Variants in FAM24B observed in about 807,000 individuals in gnomAD.
The protein encoded by FAM24B is protein FAM24B.
In FAM24B, 3 loss-of-function variants were observed where a neutral mutation model predicts 2.3. That is an observed-to-expected ratio of 1.29 (90% CI 0.59 to 3.32). The LOEUF is 3.32. Ranked by LOEUF, FAM24B falls within the 30% of genes most tolerant of loss-of-function variation. The pLI, the probability that FAM24B is intolerant of heterozygous loss-of-function variation, is 0.03. For missense variants in FAM24B, 98 were observed against 117.2 expected (o/e 0.84, Z 0.76); for synonymous variants, 36 against 46.3 (o/e 0.78, Z 0.90).
intron 1 of FAM24B, among the ~76,000 whole-genome samples, chr10:122,876,720 C>A (rs1401248693): frequency 6.6e-6 from 1 of 152,144 alleles, no homozygotes; most frequent in Non-Finnish European, 1.5e-5. Flanking sequence ...TGCTTTGTGA[C>A]CTCCATTATC....
intron 1 of FAM24B, among the ~76,000 whole-genome samples, chr10:122,858,428 A>G (rs1397186373): frequency 1.3e-5 from 2 of 151,482 alleles, no homozygotes; most frequent in African/African-American, 4.9e-5. Context: ...GGGGAGGGAT[A>G]GCATTAGGAG....
At chr10:122,875,274 T>C (rs1334711551) in intron 1 of FAM24B, among the ~76,000 whole-genome samples, 1 of 152,234 alleles carries the variant, frequency 6.6e-6, no homozygotes, top group African/African-American at 2.4e-5. Context: ...TTTCCTTTTA[T>C]ATCTTCCTTA....
intron 2 of FAM24B, among the ~76,000 whole-genome samples, chr10:122,854,249 G>A (rs549009955): frequency 6.6e-6 from 1 of 152,256 alleles, no homozygotes; most frequent in Non-Finnish European, 1.5e-5. Flanking sequence ...ATGTGTTTTA[G>A]TAATATCTTT....
At chr10:122,869,599 G>A (rs1474051379) in intron 1 of FAM24B, among the ~76,000 whole-genome samples, 2 of 152,118 alleles carry the variant, frequency 1.3e-5, no homozygotes, top group African/African-American at 4.8e-5. Context: ...AGACCACAGT[G>A]CAATCAAACT....
At chr10:122,874,781 C>T (rs1233567804) in intron 1 of FAM24B, among the ~76,000 whole-genome samples, 1 of 152,190 alleles carries the variant, frequency 6.6e-6, no homozygotes, top group African/African-American at 2.4e-5. Context: ...TGCAACCCAA[C>T]ACAAATTTGT....
At chr10:122,874,516 T>C (rs1270387116) in intron 1 of FAM24B, among the ~76,000 whole-genome samples, 1 of 152,220 alleles carries the variant, frequency 6.6e-6, no homozygotes, top group Non-Finnish European at 1.5e-5. Flanking sequence ...AAGGTAATTC[T>C]TGTGGATACA....
chr10:122,851,708 C>T (rs1255672581), intron 2 of FAM24B, among the ~76,000 whole-genome samples: 1 of 152,008 alleles, frequency 6.6e-6, no homozygotes, highest in Non-Finnish European at 1.5e-5. Context: ...TTCAAAAAAG[C>T]CTATAAGAAA....
intron 1 of FAM24B, among the ~76,000 whole-genome samples, chr10:122,856,651 G>A (rs79142214): frequency 3.3e-5 from 5 of 152,146 alleles, no homozygotes; most frequent in Non-Finnish European, 7.3e-5. Context: ...TAGCCATGCT[G>A]GGGAGTCTGC....
chr10:122,850,737 TAAA>T (rs932061328), intron 2 of FAM24B, 187 bp from the exon 3 acceptor site: 3 of 481,528 alleles, frequency 6.2e-6, no homozygotes, highest in African/African-American at 5.8e-5. Context: ...AAAAAAGAAA[TAAA>T]AAAAGTCAGT....
chr10:122,879,390 GA>G (rs1848038981), intron 1 of FAM24B, 94 bp downstream of exon 1: 1 of 152,318 alleles, frequency 6.6e-6, no homozygotes, highest in African/African-American at 2.4e-5. Flanking sequence ...AGACCCGACG[GA>G]GTGGAGGCAG....
At chr10:122,861,066 T>C (rs996296762) in intron 1 of FAM24B, among the ~76,000 whole-genome samples, 1 of 152,186 alleles carries the variant, frequency 6.6e-6, no homozygotes, top group Middle Eastern at 3.2e-3. Flanking sequence ...TATTCATTGA[T>C]TACATTTTTG....
intron 1 of FAM24B, among the ~76,000 whole-genome samples, chr10:122,879,168 T>C (rs1207345789): frequency 6.6e-6 from 1 of 152,206 alleles, no homozygotes; most frequent in Non-Finnish European, 1.5e-5. Context: ...GCATCCAGCA[T>C]AGTCCTGGCA....
intron 1 of FAM24B, among the ~76,000 whole-genome samples, chr10:122,877,061 G>T (rs1465244407): frequency 6.6e-6 from 1 of 152,064 alleles, no homozygotes; most frequent in Non-Finnish European, 1.5e-5. Context: ...TTGTGATATT[G>T]GTGGAAAGAT....
chr10:122,860,495 G>C (rs1191142037), intron 1 of FAM24B, among the ~76,000 whole-genome samples: 1 of 152,184 alleles, frequency 6.6e-6, no homozygotes, highest in Non-Finnish European at 1.5e-5. Context: ...ACCAGTTTTT[G>C]TGTGAATGTA....
intron 1 of FAM24B, among the ~76,000 whole-genome samples, chr10:122,871,098 C>T (rs1847890533): frequency 6.6e-6 from 1 of 152,100 alleles, no homozygotes; most frequent in Non-Finnish European, 1.5e-5. Context: ...TCTCAGGATA[C>T]AAAATCAATG....
chr10:122,851,184 A>G (rs184174160), intron 2 of FAM24B, among the ~76,000 whole-genome samples: 82 of 152,310 alleles, frequency 5.4e-4, no homozygotes, highest in African/African-American at 1.8e-3. Flanking sequence ...GGAAAAAGTG[A>G]GTCAGGGGAG....
chr10:122,856,947 C>T (rs1205341616), intron 1 of FAM24B, among the ~76,000 whole-genome samples: 2 of 152,166 alleles, frequency 1.3e-5, no homozygotes, highest in Non-Finnish European at 1.5e-5. Flanking sequence ...GAGCCAGGCC[C>T]AGCCCTGCAT....
intron 3 of FAM24B, among the ~76,000 whole-genome samples, chr10:122,849,982 T>C (rs1292942626): frequency 6.6e-6 from 1 of 151,958 alleles, no homozygotes; most frequent in African/African-American, 2.4e-5. Flanking sequence ...TCCTGAGAGC[T>C]CCCAATTCAG....
chr10:122,876,290 G>A (rs544316081), intron 1 of FAM24B, among the ~76,000 whole-genome samples: 8 of 152,296 alleles, frequency 5.3e-5, no homozygotes, highest in Admixed American at 2.6e-4. Context: ...CACTAACAAC[G>A]GGAAGGCTAG....
Sources: gnomAD v4.1 joint callset for allele counts (sites outside exome capture counted in the v4.1 genomes callset) on GRCh38, gnomAD v4.1.1 for gene constraint, MANE v1.5 for transcripts, NCBI Gene and HGNC (gene_info 2026-07-23, HGNC 2026-07-21) for gene names.